PITPNM2: variants seen among roughly 807,000 people sequenced by gnomAD.
PITPNM2 encodes the protein phosphatidylinositol transfer protein membrane associated 2, also known as membrane-associated phosphatidylinositol transfer protein 2.
A neutral mutation model predicts 132.2 loss-of-function variants in PITPNM2; 35 were observed. The observed-to-expected ratio is 0.26, with a 90% CI of 0.20 to 0.35. The LOEUF is 0.35. Among genes scored for constraint, PITPNM2 ranks in the 10% least tolerant of loss-of-function variants. The probability of loss-of-function intolerance (pLI) is 1.00; values close to 1 mark genes in which losing one functional copy is unlikely to be tolerated. For missense variants in PITPNM2, 1,332 were observed against 1,912.0 expected (o/e 0.70, Z 5.66); for synonymous variants, 738 against 799.2 (o/e 0.92, Z 1.29).
intron 3 of PITPNM2, among the ~76,000 whole-genome samples, chr12:123,014,276 A>G (rs1415022456): frequency 6.6e-6 from 1 of 152,248 alleles, no homozygotes; most frequent in Middle Eastern, 3.2e-3. Context: ...CACAAGTCCT[A>G]TATTCTGACT....
At position 122,993,552 on chromosome 12, in the gene PITPNM2, C is replaced by T. The variant is rs926183837; in HGVS notation, c.2234-883G>A. Among the ~76,000 whole-genome samples the T allele has an allele frequency of 3.3e-5, 5 of 152,210 alleles. No homozygotes were observed. Among genetic ancestry groups the T allele is most frequent in the African/African-American group, 1.2e-4 (5 of 41,448 alleles). The stretch of plus-strand genomic sequence containing the variant: ...TCTCCTTGCTCTTTTTCAGTGGAGG[C>T]GGGTACTCCACTGTGTGGTTGTGCC... On this transcript the variant is annotated intron_variant, in intron 15 of 25. Transcript: ENST00000320201. The surrounding 1 kb of genome is among the most constrained non-coding windows in gnomAD (Gnocchi z 5.2).
rs188455362 is a variant in PITPNM2, at chr12:123,077,199, C to T, written c.-96+33186G>A. Among the ~76,000 whole-genome samples the T allele has an allele frequency of 3.3e-5, 5 of 152,266 alleles. No individual in the cohort carries two copies. The East Asian group carries it at 5.8e-4, about 18-fold the overall frequency. ...ATCCAGACAGACACACTGGCAGGGC[C>T]GCTCTGCCTGAAGCCAGCCAGCAGA... is the stretch of plus-strand genomic sequence containing the variant. On this transcript the variant is annotated intron_variant, in intron 2 of 25. Transcript: ENST00000320201. The surrounding 1 kb of genome is among the most constrained non-coding windows in gnomAD (Gnocchi z 4.8).
chr12:123,106,521 A>G lies in PITPNM2; in HGVS notation c.-96+3864T>C, dbSNP rs2042715227. On this transcript the variant is annotated intron_variant, in intron 2 of 25. Transcript: ENST00000320201. The surrounding 1 kb of genome is among the most constrained non-coding windows in gnomAD (Gnocchi z 4.4). Reference sequence around the variant, plus strand: ...CCCAGAGCTCCGGGGAACAGGAAGAAGAGGAGACTGAGAAGAGCCAGCAAT... The same window carrying G: ...CCCAGAGCTCCGGGGAACAGGAAGAGGAGGAGACTGAGAAGAGCCAGCAAT... 2.0e-5 allele frequency among the ~76,000 whole-genome samples: 3 copies of G among 152,242 alleles called. No individual in the cohort carries two copies. The highest frequency in any genetic ancestry group is 2.0e-4 in the Admixed American group (3 of 15,290).
chr12:123,141,273 G>C (rs1228907009), intron 1 of PITPNM2, among the ~76,000 whole-genome samples: 1 of 152,168 alleles, frequency 6.6e-6, no homozygotes, highest in Non-Finnish European at 1.5e-5. Flanking sequence ...TGTAAAATGG[G>C]CACAGCAACA....
Position 123,077,695 on chromosome 12 carries a change from C to T in PITPNM2, c.-96+32690G>A, listed in dbSNP as rs1384722265. 2.6e-5 allele frequency among the ~76,000 whole-genome samples: 4 copies of T among 152,164 alleles called. No homozygotes were observed. The highest frequency in any genetic ancestry group is 3.2e-3 in the Middle Eastern group (1 of 316). On this transcript the variant is annotated intron_variant, in intron 2 of 25. Coordinates refer to ENST00000320201, the MANE Select transcript of PITPNM2 (RefSeq NM_020845.3). This position sits in a 1 kb window ranked among gnomAD's most constrained non-coding sequence, Gnocchi z 4.8. ...TCTCTCTCCCTCCATCCCAGCTCTTCGGAGAGAAAGCAAGCAGCCCGCGTG... is the reference window on the plus strand; with the variant it reads ...TCTCTCTCCCTCCATCCCAGCTCTTTGGAGAGAAAGCAAGCAGCCCGCGTG...
In PITPNM2 at chr12:123,058,975, G is replaced by A. The variant is rs2041135922; in HGVS notation, c.-95-24290C>T. 6.6e-6 allele frequency among the ~76,000 whole-genome samples: 1 copy of A among 152,032 alleles called. No individual in the cohort carries two copies. Among genetic ancestry groups the A allele is most frequent in the South Asian group, 2.1e-4 (1 of 4,820 alleles). On this transcript the variant is annotated intron_variant, in intron 2 of 25. Transcript: ENST00000320201. The surrounding 1 kb of genome is among the most constrained non-coding windows in gnomAD (Gnocchi z 4.0). ...CCATTGTCTGGGCCCAAACCATGAA[G>A]CTCAGGGCAGCACCCGCATCTGCTT...
chr12:123,074,183 A>T (rs1355176492), intron 2 of PITPNM2, among the ~76,000 whole-genome samples: 1 of 152,182 alleles, frequency 6.6e-6, no homozygotes, highest in East Asian at 1.9e-4. Flanking sequence ...TTATCTGTAA[A>T]ATGGGAGCAA....
chr12:123,146,915 C>T (rs1485517946), intron 1 of PITPNM2, among the ~76,000 whole-genome samples: 1 of 152,214 alleles, frequency 6.6e-6, no homozygotes, highest in African/African-American at 2.4e-5. Context: ...TCATCCTCAA[C>T]AGGGTGCAGG....
chr12:123,108,484 C>T lies in PITPNM2; in HGVS notation c.-96+1901G>A, dbSNP rs938743809. 1.3e-5 allele frequency among the ~76,000 whole-genome samples: 2 copies of T among 152,162 alleles called. No homozygotes were observed. The highest frequency in any genetic ancestry group is 2.9e-5 in the Non-Finnish European group (2 of 68,038). On this transcript the variant is annotated intron_variant, in intron 2 of 25. Transcript: ENST00000320201. The surrounding 1 kb of genome is among the most constrained non-coding windows in gnomAD (Gnocchi z 4.4). The stretch of plus-strand genomic sequence containing the variant: ...CTCACCGGGCCCTGCCTCGACTTGG[C>T]AGCCAAGACCTTTGGCAACAGGACA...
chr12:123,013,512 G>C (rs2039296801), intron 4 of PITPNM2, among the ~76,000 whole-genome samples: 1 of 152,244 alleles, frequency 6.6e-6, no homozygotes, highest in Admixed American at 6.5e-5. Context: ...TAGGGAGCCT[G>C]AAGTGGGTTT....
intron 6 of PITPNM2, among the ~76,000 whole-genome samples, chr12:123,006,287 G>GT (rs1037484460): frequency 5.9e-5 from 9 of 151,458 alleles, no homozygotes; most frequent in African/African-American, 9.7e-5. Flanking sequence ...CTTTTCTTTT[G>GT]TTTTTTTAAA....
intron 5 of PITPNM2, among the ~76,000 whole-genome samples, chr12:123,012,411 T>C (rs953620061): frequency 2.0e-5 from 3 of 152,114 alleles, no homozygotes; most frequent in African/African-American, 7.2e-5. Context: ...TTGGACTTGG[T>C]GTATATATCA....
In PITPNM2 at chr12:123,008,804, C is replaced by T. The variant is rs2039048470; in HGVS notation, c.643+1046G>A. On this transcript the variant is annotated intron_variant, in intron 6 of 25. Coordinates refer to ENST00000320201, the MANE Select transcript of PITPNM2 (RefSeq NM_020845.3). This position sits in a 1 kb window ranked among gnomAD's most constrained non-coding sequence, Gnocchi z 4.1. Reference sequence around the variant, plus strand: ...ACCAACACACCCATCGAGGCCCTGTCCACGTCTTCGCTTCTCCAAGTGGAA... The same window carrying T: ...ACCAACACACCCATCGAGGCCCTGTTCACGTCTTCGCTTCTCCAAGTGGAA... Among the ~76,000 whole-genome samples the T allele has an allele frequency of 6.6e-6, 1 of 152,336 alleles. No individual in the cohort carries two copies. Among genetic ancestry groups the T allele is most frequent in the Non-Finnish European group, 1.5e-5 (1 of 68,042 alleles).
chr12:123,116,638 A>T (rs567641874), intron 1 of PITPNM2, among the ~76,000 whole-genome samples: 197 of 109,138 alleles, frequency 1.8e-3, no homozygotes, highest in Non-Finnish European at 2.8e-3. Flanking sequence ...ACAGGGCAAG[A>T]CCTTGTTTCA....
chr12:123,068,513 G>C (rs1367360008), intron 2 of PITPNM2, among the ~76,000 whole-genome samples: 2 of 151,826 alleles, frequency 1.3e-5, no homozygotes, highest in Non-Finnish European at 2.9e-5. Flanking sequence ...ATAATCCTTG[G>C]GCACACCAGC....
chr12:123,138,936 A>G (rs2043439564), intron 1 of PITPNM2, among the ~76,000 whole-genome samples: 2 of 151,354 alleles, frequency 1.3e-5, no homozygotes, highest in African/African-American at 4.9e-5. Flanking sequence ...CCAGGAGTTC[A>G]AGACCAGCCT....
At chr12:122,990,090 C>T (rs2038120789) in intron 17 of PITPNM2, 142 bp from the exon 18 acceptor site, 2 of 677,518 alleles carry the variant, frequency 3.0e-6, no homozygotes, top group Non-Finnish European at 4.4e-6. Flanking sequence ...CACGGATGAA[C>T]ACAACTGCCA....
chr12:123,068,196 G>GGCCGGGTGCA lies in PITPNM2; in HGVS notation c.-95-33512_-95-33511insTGCACCCGGC, dbSNP rs1353720875. Among the ~76,000 whole-genome samples the GGCCGGGTGCA allele has an allele frequency of 3.9e-5, 6 of 152,006 alleles. No individual in the cohort carries two copies. In the East Asian group the frequency reaches 1.2e-3, roughly 29 times the overall value. On this transcript the variant is annotated intron_variant, in intron 2 of 25. Coordinates refer to ENST00000320201, the MANE Select transcript of PITPNM2 (RefSeq NM_020845.3). ...AAAATCCACGGGCACGGCCGGGCACGGTGGCTCACGCCTGTAATCCCAGCA... is the reference window on the plus strand; with the variant it reads ...AAAATCCACGGGCACGGCCGGGCACGGCCGGGTGCAGTGGCTCACGCCTGTAATCCCAGCA...
chr12:123,021,909 T>C (rs1036532534), intron 3 of PITPNM2: 12 of 159,788 alleles, frequency 7.5e-5, no homozygotes, highest in African/African-American at 1.2e-4. Flanking sequence ...GATGCGAGCA[T>C]GTGTAGCTGA....
Sources: gnomAD v4.1 joint callset for allele counts (sites outside exome capture counted in the v4.1 genomes callset) on GRCh38, gnomAD v4.1.1 for gene constraint, Gnocchi (gnomAD v3.1) non-coding constraint, MANE v1.5 for transcripts, NCBI Gene and HGNC (gene_info 2026-07-23, HGNC 2026-07-21) for gene names.